Variants in LEPR observed in about 807,000 individuals in gnomAD.
LEPR encodes leptin receptor.
A neutral mutation model predicts 114.7 loss-of-function variants in LEPR; 56 were observed. The ratio of observed to expected loss-of-function variants is 0.49; its 90% CI spans 0.39 to 0.61. LEPR has a LOEUF of 0.61. Among genes scored for constraint, LEPR ranks in the 20% least tolerant of loss-of-function variants. LEPR has a pLI of 0.00. For missense variants in LEPR, 1,202 were observed against 1,352.9 expected (o/e 0.89, Z 1.75); for synonymous variants, 443 against 461.4 (o/e 0.96, Z 0.51).
chr1:65,636,075 G>A (rs945128557), intron 19 of LEPR, 116 bp from the exon 20 acceptor site: 1 of 1,178,612 alleles, frequency 8.5e-7, no homozygotes, highest in Non-Finnish European at 1.2e-6. Context: ...TAGTTAATTT[G>A]TGGTTGACTT....
intron 2 of LEPR, among the ~76,000 whole-genome samples, chr1:65,448,852 C>T (rs1366704259): frequency 6.6e-6 from 1 of 152,046 alleles, no homozygotes; most frequent in Non-Finnish European, 1.5e-5. Flanking sequence ...CGTTAGTGTC[C>T]GTGGGATCTG....
At chr1:65,558,075 A>T (rs1652950513) in intron 2 of LEPR, among the ~76,000 whole-genome samples, 1 of 152,238 alleles carries the variant, frequency 6.6e-6, no homozygotes, top group African/African-American at 2.4e-5. Context: ...AGTCACTAGT[A>T]AGTTTCATCA....
chr1:65,630,482 G>A (rs1032769030), intron 19 of LEPR: 1 of 151,682 alleles, frequency 6.6e-6, no homozygotes. Flanking sequence ...TGAATCTGGA[G>A]TGGTTCTTTT....
chr1:65,553,148 G>T (rs572404287), intron 2 of LEPR, among the ~76,000 whole-genome samples: 1 of 152,040 alleles, frequency 6.6e-6, no homozygotes, highest in African/African-American at 2.4e-5. Context: ...TGCCCTTGAC[G>T]TTTTTTCCTT....
At chr1:65,472,821 T>C (rs1191218840) in intron 2 of LEPR, among the ~76,000 whole-genome samples, 5 of 152,132 alleles carry the variant, frequency 3.3e-5, no homozygotes, top group African/African-American at 1.2e-4. Context: ...GATGAGGATG[T>C]CCCACTGCTG....
At chr1:65,467,155 A>G (rs553470773) in intron 2 of LEPR, among the ~76,000 whole-genome samples, 1 of 152,124 alleles carries the variant, frequency 6.6e-6, no homozygotes, top group African/African-American at 2.4e-5. Context: ...ATTTCTCCCC[A>G]TCTTTGTGGT....
chr1:65,633,495 C>A lies in LEPR; in HGVS notation c.2674-2696C>A. ...AACATTAAGAAAATTATGGCTGTTG[C>A]TGTCATTACATATCTATTAAATGTC... is the stretch of plus-strand genomic sequence containing the variant. On this transcript the variant is annotated intron_variant, in intron 19 of 19. Coordinates refer to ENST00000349533, the MANE Select transcript of LEPR (RefSeq NM_002303.6). The surrounding 1 kb of genome is among the most constrained non-coding windows in gnomAD (Gnocchi z 4.1). 3 of 1,151,082 alleles carry A rather than the reference C, an allele frequency of 2.6e-6. No individual in the cohort carries two copies. Among genetic ancestry groups the A allele is most frequent in the Non-Finnish European group, 3.2e-6 (3 of 933,914 alleles). 71.3% of individuals were successfully genotyped at this position (1,151,082 alleles called of 1,614,324 possible).
intron 2 of LEPR, among the ~76,000 whole-genome samples, chr1:65,520,142 C>T (rs1649556783): frequency 6.6e-6 from 1 of 152,154 alleles, no homozygotes; most frequent in Admixed American, 6.5e-5. Flanking sequence ...AGATTACAGG[C>T]ATGAGCCACA....
intron 2 of LEPR, among the ~76,000 whole-genome samples, chr1:65,458,863 G>T (rs925563783): frequency 6.6e-6 from 1 of 151,814 alleles, no homozygotes; most frequent in African/African-American, 2.4e-5. Flanking sequence ...TTGGATATTT[G>T]CACCATTTCT....
At position 65,430,215 on chromosome 1, in the gene LEPR, A is replaced by G. The variant is rs560267676; in HGVS notation, c.-21+4837A>G. The G allele has an allele frequency of 3.7e-5, 18 of 489,146 alleles. No homozygotes were observed. The South Asian group carries it at 1.1e-3, about 31-fold the overall frequency. The allele number at this position is 489,146 out of a possible 1,614,324, so 30.3% of individuals were successfully genotyped here. A position where few individuals can be genotyped will look rare whatever the true frequency, so the allele number is the denominator to read the frequency against. The stretch of plus-strand genomic sequence containing the variant: ...AGACCTGCCTAACAGTAGTTCGGCC[A>G]TGCCTTCAGAGTGCTTTCTTTATTT... On this transcript the variant is annotated intron_variant, in intron 2 of 19. Coordinates refer to ENST00000349533, the MANE Select transcript of LEPR (RefSeq NM_002303.6).
At chr1:65,538,104 C>T (rs1261535668) in intron 2 of LEPR, among the ~76,000 whole-genome samples, 1 of 151,916 alleles carries the variant, frequency 6.6e-6, no homozygotes. Context: ...TGTGGGCCTT[C>T]CTGGTTTCAT....
At chr1:65,558,523 G>A (rs535993908) in intron 2 of LEPR, among the ~76,000 whole-genome samples, 2 of 14,216 alleles carry the variant, frequency 1.4e-4, no homozygotes, top group Non-Finnish European at 2.8e-4. Context: ...TTTTGAATCA[G>A]AAGTTTTTTT....
chr1:65,582,043 A>C (rs146862450), intron 5 of LEPR, among the ~76,000 whole-genome samples: 2 of 152,236 alleles, frequency 1.3e-5, no homozygotes, highest in African/African-American at 4.8e-5. Flanking sequence ...TGCTTCTCCA[A>C]ATCCTTCTAG....
chr1:65,601,429 T>TG lies in LEPR; in HGVS notation c.1035dup (p.Ser346ValfsTer2). 1 of 1,613,484 alleles carries TG rather than the reference T, an allele frequency of 6.2e-7. No individual in the cohort carries two copies. Among genetic ancestry groups the TG allele is most frequent in the Non-Finnish European group, 8.5e-7 (1 of 1,179,646 alleles). ...TTCCACCTAAAATTCTGACAAGTGT[T>TG]GGGTCTAATGTTTCTTTTCACTGCA... is the stretch of plus-strand genomic sequence containing the variant. On this transcript the variant is annotated frameshift_variant, in exon 9 of 20. Transcript: ENST00000349533. LOFTEE classifies it high-confidence loss of function.
At chr1:65,421,211 C>G (rs1232169947) in intron 1 of LEPR, 1 of 1,099,336 alleles carries the variant, frequency 9.1e-7, no homozygotes, top group Non-Finnish European at 1.2e-6. Flanking sequence ...CAGAGTTGAC[C>G]GCGGGCGGGT....
Position 65,641,316 on chromosome 1 carries a change from C to T in LEPR, c.*4301C>T, listed in dbSNP as rs1441472690. 1.3e-5 allele frequency: 2 copies of T among 152,048 alleles called. No individual in the cohort carries two copies. The highest frequency in any genetic ancestry group is 2.4e-5 in the African/African-American group (1 of 41,396). The allele number at this position is 152,048 out of a possible 1,614,324, so 9.4% of individuals were successfully genotyped here. A position where few individuals can be genotyped will look rare whatever the true frequency, so the allele number is the denominator to read the frequency against. ...TATTGTAGATATTGTACTTTTAAAA[C>T]CTGTCATTAAGTGTTTGGCATGTGG... On this transcript the variant is annotated 3_prime_UTR_variant, in exon 20 of 20. Transcript: ENST00000349533.
In LEPR at chr1:65,567,982, G is replaced by GATGT. The variant is rs561944758; in HGVS notation, c.40+2384_40+2387dup. Among the ~76,000 whole-genome samples, 190 of 152,206 alleles carry GATGT rather than the reference G, an allele frequency of 1.2e-3. 1 individual carries two copies. The highest frequency in any genetic ancestry group is 7.7e-3 in the Admixed American group (117 of 15,288). On this transcript the variant is annotated intron_variant, in intron 3 of 19. Transcript: ENST00000349533. The stretch of plus-strand genomic sequence containing the variant: ...GTTGTATATTGTATGAATGTTGACT[G>GATGT]ATGTATGTATAGTGACCTTTATCTG...
At chr1:65,546,775 G>C (rs981853816) in intron 2 of LEPR, among the ~76,000 whole-genome samples, 13 of 152,080 alleles carry the variant, frequency 8.5e-5, no homozygotes, top group African/African-American at 2.9e-4. Flanking sequence ...TTGACTTCCT[G>C]TTTTCCTAGT....
chr1:65,607,218 G>A (rs968047759), intron 11 of LEPR, among the ~76,000 whole-genome samples: 2 of 152,188 alleles, frequency 1.3e-5, no homozygotes, highest in African/African-American at 2.4e-5. Context: ...GTGGTGGTTT[G>A]TTGGTTGGAT....
Sources: gnomAD v4.1 joint callset for allele counts (sites outside exome capture counted in the v4.1 genomes callset) on GRCh38, gnomAD v4.1.1 for gene constraint, Gnocchi (gnomAD v3.1) non-coding constraint, MANE v1.5 for transcripts, NCBI Gene and HGNC (gene_info 2026-07-23, HGNC 2026-07-21) for gene names.